Variants in DNAJC11 observed in about 807,000 individuals in gnomAD.
DNAJC11 encodes the protein dnaJ homolog subfamily C member 11.
Under a neutral mutation model 78.6 loss-of-function variants are expected in DNAJC11, and 15 were observed. The observed-to-expected ratio is 0.19, with a 90% CI of 0.13 to 0.29. The LOEUF is 0.29. DNAJC11 is among the 10% of genes least tolerant of loss of function. The pLI, the probability that DNAJC11 is intolerant of heterozygous loss-of-function variation, is 1.00. For missense variants in DNAJC11, 547 were observed against 709.6 expected (o/e 0.77, Z 2.60); for synonymous variants, 292 against 272.1 (o/e 1.07, Z -0.72).
chr1:6,674,727 CAAA>C (rs879363282), intron 3 of DNAJC11, among the ~76,000 whole-genome samples: 2 of 136,372 alleles, frequency 1.5e-5, no homozygotes, highest in African/African-American at 5.4e-5. Context: ...GACTCTGTCT[CAAA>C]AAAAAAAAAG....
intron 1 of DNAJC11, among the ~76,000 whole-genome samples, chr1:6,689,920 TGCATTTACACAGATTTACA>T (rs1193948986): frequency 1.3e-5 from 2 of 152,136 alleles, no homozygotes; most frequent in South Asian, 4.1e-4. Context: ...GTGTCACAAA[TGCATTTACACAGATTTACA>T]GCTAACAAAA....
chr1:6,640,724 C>T (rs940357833), intron 10 of DNAJC11, among the ~76,000 whole-genome samples: 4 of 151,940 alleles, frequency 2.6e-5, no homozygotes, highest in Admixed American at 6.6e-5. Context: ...CCCAGCTACT[C>T]GGGAGGCTGA....
chr1:6,701,577 C>T, intron 1 of DNAJC11, 152 bp downstream of exon 1: 5 of 718,460 alleles, frequency 7.0e-6, no homozygotes, highest in Non-Finnish European at 1.0e-5. Flanking sequence ...ACGCCTCCAT[C>T]GGGCGGCTGG....
chr1:6,634,988 C>T lies in DNAJC11; in HGVS notation c.*687G>A. On this transcript the variant is annotated 3_prime_UTR_variant, in exon 16 of 16. Coordinates refer to ENST00000377577, the MANE Select transcript of DNAJC11 (RefSeq NM_018198.4). Reference sequence around the variant, plus strand: ...GTTTTCCCACCGGGATACGGGAAGCCACCTGTGTCAGGGCTAGGCCCTGGG... The same window carrying T: ...GTTTTCCCACCGGGATACGGGAAGCTACCTGTGTCAGGGCTAGGCCCTGGG... 1.4e-6 allele frequency: 1 copy of T among 710,298 alleles called. No homozygotes were observed. Among genetic ancestry groups the T allele is most frequent in the Non-Finnish European group, 1.9e-6 (1 of 514,058 alleles). 44.0% of individuals were successfully genotyped at this position (710,298 alleles called of 1,614,324 possible).
At chr1:6,658,532 CTGCCTTAAGGGAACAGGA>C (rs1488096677) in intron 4 of DNAJC11, among the ~76,000 whole-genome samples, 2 of 152,222 alleles carry the variant, frequency 1.3e-5, no homozygotes, top group South Asian at 4.1e-4. Flanking sequence ...CTGGGAGTGG[CTGCCTTAAGGGAACAGGA>C]GTCAGGAGTA....
At chr1:6,637,658 A>G (rs1641802889) in intron 12 of DNAJC11, 154 bp from the exon 13 acceptor site, 6 of 796,740 alleles carry the variant, frequency 7.5e-6, no homozygotes, top group Non-Finnish European at 1.2e-5. Flanking sequence ...CTGCTACCCG[A>G]GTGGCTCACT....
chr1:6,671,592 T>C (rs962590823), intron 3 of DNAJC11, among the ~76,000 whole-genome samples: 7 of 147,660 alleles, frequency 4.7e-5, no homozygotes, highest in African/African-American at 1.8e-4. Context: ...AGTGCAATGG[T>C]GCAATCTCAG....
chr1:6,661,538 G>A (rs951436647), intron 4 of DNAJC11, among the ~76,000 whole-genome samples: 1 of 151,790 alleles, frequency 6.6e-6, no homozygotes, highest in Non-Finnish European at 1.5e-5. Flanking sequence ...TTCTTCTCCA[G>A]GGTTTCAGTT....
intron 1 of DNAJC11, among the ~76,000 whole-genome samples, chr1:6,701,509 A>C (rs1193438088): frequency 6.6e-6 from 1 of 151,986 alleles, no homozygotes; most frequent in African/African-American, 2.4e-5. Context: ...ACTGGCCTTC[A>C]GGAGCTGGGG....
chr1:6,679,781 C>A (rs1256286833), intron 2 of DNAJC11, among the ~76,000 whole-genome samples: 1 of 152,164 alleles, frequency 6.6e-6, no homozygotes, highest in African/African-American at 2.4e-5. Flanking sequence ...TTCTTTAACT[C>A]TTCCCCAGGT....
At chr1:6,661,360 G>C (rs1344774425) in intron 4 of DNAJC11, among the ~76,000 whole-genome samples, 1 of 152,182 alleles carries the variant, frequency 6.6e-6, no homozygotes, top group Non-Finnish European at 1.5e-5. Flanking sequence ...GTCAGAGCCT[G>C]TCCTCCCCGT....
At chr1:6,696,485 C>T (rs1315714985) in intron 1 of DNAJC11, among the ~76,000 whole-genome samples, 3 of 152,170 alleles carry the variant, frequency 2.0e-5, no homozygotes, top group African/African-American at 4.8e-5. Context: ...AGGGGACCTT[C>T]CTCTACTCTT....
At chr1:6,639,147 G>A (rs529216394) in intron 11 of DNAJC11, among the ~76,000 whole-genome samples, 12 of 152,150 alleles carry the variant, frequency 7.9e-5, no homozygotes, top group Middle Eastern at 3.4e-3. Flanking sequence ...TAGGTTTCAC[G>A]GCATGCCCCA....
chr1:6,669,468 G>A (rs1292620460), intron 3 of DNAJC11, among the ~76,000 whole-genome samples: 1 of 151,144 alleles, frequency 6.6e-6, no homozygotes. Flanking sequence ...CCAAGATCAC[G>A]CCATTGCACT....
At chr1:6,679,737 T>C (rs1642526347) in intron 2 of DNAJC11, among the ~76,000 whole-genome samples, 1 of 152,246 alleles carries the variant, frequency 6.6e-6, no homozygotes, top group African/African-American at 2.4e-5. Context: ...CCAGGTCTGC[T>C]GTTGTGGCAC....
intron 1 of DNAJC11, among the ~76,000 whole-genome samples, chr1:6,691,572 C>G (rs370962389): frequency 4.6e-5 from 7 of 152,196 alleles, no homozygotes; most frequent in African/African-American, 1.7e-4. Context: ...TACCTTCTGT[C>G]ATTCGTGTTC....
At chr1:6,643,477 G>T (rs189076021) in intron 10 of DNAJC11, among the ~76,000 whole-genome samples, 16 of 151,680 alleles carry the variant, frequency 1.1e-4, no homozygotes, top group African/African-American at 1.9e-4. Flanking sequence ...GGGTTTCACC[G>T]TGTTAGCCAG....
intron 3 of DNAJC11, chr1:6,670,414 G>A (rs1374338939): frequency 6.6e-6 from 1 of 151,558 alleles, no homozygotes; most frequent in East Asian, 1.9e-4. Flanking sequence ...GCATATGCAC[G>A]TGCACACACA....
At chr1:6,636,519 C>T (rs1392209242) in intron 14 of DNAJC11, among the ~76,000 whole-genome samples, 1 of 152,226 alleles carries the variant, frequency 6.6e-6, no homozygotes, top group Non-Finnish European at 1.5e-5. Flanking sequence ...TTTCATCCTT[C>T]TGTATGGTCC....
Sources: gnomAD v4.1 joint callset for allele counts (sites outside exome capture counted in the v4.1 genomes callset) on GRCh38, gnomAD v4.1.1 for gene constraint, MANE v1.5 for transcripts, NCBI Gene and HGNC (gene_info 2026-07-23, HGNC 2026-07-21) for gene names.